The following PTN variants were observed in gnomAD, a reference collection of about 807,000 sequenced individuals.
PTN encodes the protein pleiotrophin.
In PTN, 18 loss-of-function variants were observed where a neutral mutation model predicts 24.1. The ratio of observed to expected loss-of-function variants is 0.75; its 90% confidence interval spans 0.52 to 1.11. PTN has a LOEUF of 1.11. Ranked by LOEUF, PTN falls within the 50% of genes least tolerant of loss-of-function variation. PTN has a pLI of 0.00. For missense variants in PTN, 163 were observed against 198.8 expected (o/e 0.82, Z 1.08); for synonymous variants, 78 against 68.6 (o/e 1.14, Z -0.67).
intron 1 of PTN, among the ~76,000 whole-genome samples, chr7:137,334,074 A>C (rs1198975331): frequency 6.6e-6 from 1 of 152,226 alleles, no homozygotes; most frequent in African/African-American, 2.4e-5. Context: ...CGCTAGACCT[A>C]AAACCATAAA....
rs569548740 is a variant in PTN at position 137,281,849 on chromosome 7, G to A, written c.-1-26875C>T. Reference sequence around the variant, plus strand: ...GTATGAAAGACTTTGCCTGTGCTAAGAGCTTTATATCTTTTATTTTCACAA... The same window carrying A: ...GTATGAAAGACTTTGCCTGTGCTAAAAGCTTTATATCTTTTATTTTCACAA... On this transcript the variant is annotated intron_variant, in intron 1 of 4. Transcript: ENST00000348225. Among the ~76,000 whole-genome samples the A allele has an allele frequency of 8.5e-5, 13 of 152,288 alleles. No homozygotes were observed. In the East Asian group the frequency reaches 2.3e-3, roughly 27 times the overall value.
intron 1 of PTN, among the ~76,000 whole-genome samples, chr7:137,335,868 A>C (rs919285658): frequency 6.6e-6 from 1 of 152,114 alleles, no homozygotes; most frequent in Admixed American, 6.5e-5. Context: ...AATATAACAT[A>C]ATCTGAGGTA....
At chr7:137,258,783 A>C (rs968964144) in intron 1 of PTN, among the ~76,000 whole-genome samples, 9 of 152,094 alleles carry the variant, frequency 5.9e-5, no homozygotes, top group African/African-American at 2.2e-4. Flanking sequence ...GCACCAAGTG[A>C]GGGCAAAAGC....
intron 1 of PTN, among the ~76,000 whole-genome samples, chr7:137,315,673 C>T (rs990097744): frequency 6.6e-6 from 1 of 152,206 alleles, no homozygotes; most frequent in Non-Finnish European, 1.5e-5. Context: ...ACACCCCTTA[C>T]TGACAGCCTG....
At chr7:137,342,339 T>C (rs1275140808) in intron 1 of PTN, among the ~76,000 whole-genome samples, 1 of 152,062 alleles carries the variant, frequency 6.6e-6, no homozygotes, top group African/African-American at 2.4e-5. Context: ...TTTCTCAAGC[T>C]GCTAAAGCAA....
chr7:137,260,424 C>G (rs1809014132), intron 1 of PTN, among the ~76,000 whole-genome samples: 1 of 152,092 alleles, frequency 6.6e-6, no homozygotes, highest in African/African-American at 2.4e-5. Context: ...ACAGTCTCAT[C>G]CCTCCAAAAG....
In PTN at chr7:137,228,810, T is replaced by G. The variant is rs541535038; in HGVS notation, c.452-735A>C. Among the ~76,000 whole-genome samples, 37 of 151,974 alleles carry G rather than the reference T, an allele frequency of 2.4e-4. No homozygotes were observed. In the South Asian group the frequency reaches 6.4e-3, roughly 26 times the overall value. Reference sequence around the variant, plus strand: ...CTCTTTTCCTAACAGGAGAATGCAATGTAGAATAGAACACATCTAATTTGG... The same window carrying G: ...CTCTTTTCCTAACAGGAGAATGCAAGGTAGAATAGAACACATCTAATTTGG... On this transcript the variant is annotated intron_variant, in intron 4 of 4. Transcript: ENST00000348225.
Position 137,229,272 on chromosome 7 carries a change from G to C in PTN, c.452-1197C>G, listed in dbSNP as rs549916453. ...ATTAAAATCCTTAATCATTATCAAGGCATATTGATTGAGCAGGTCAATGAA... is the reference window on the plus strand; with the variant it reads ...ATTAAAATCCTTAATCATTATCAAGCCATATTGATTGAGCAGGTCAATGAA... On this transcript the variant is annotated intron_variant, in intron 4 of 4. Coordinates refer to ENST00000348225, the MANE Select transcript of PTN (RefSeq NM_002825.7). 5.3e-5 allele frequency among the ~76,000 whole-genome samples: 8 copies of C among 151,794 alleles called. No homozygotes were observed. The East Asian group carries it at 1.2e-3, about 22-fold the overall frequency.
At chr7:137,249,120 T>C (rs1808777171) in intron 4 of PTN, among the ~76,000 whole-genome samples, 1 of 152,298 alleles carries the variant, frequency 6.6e-6, no homozygotes, top group African/African-American at 2.4e-5. Context: ...ATCTTAATCA[T>C]GTTCCCTGCT....
intron 1 of PTN, among the ~76,000 whole-genome samples, chr7:137,311,193 C>T (rs1186406937): frequency 6.8e-6 from 1 of 147,028 alleles, no homozygotes; most frequent in Non-Finnish European, 1.5e-5. Flanking sequence ...GATCATGCCA[C>T]CGCACACCAG....
At chr7:137,324,433 A>AATATATATATATATATATATAT (rs71176396) in intron 1 of PTN, among the ~76,000 whole-genome samples, 2 of 88,742 alleles carry the variant, frequency 2.3e-5, no homozygotes, top group African/African-American at 1.4e-4. Context: ...AAAAAAAAAA[A>AATATATATATATATATATATAT]ATATATATAT....
chr7:137,250,551 G>C (rs11772240), intron 4 of PTN, among the ~76,000 whole-genome samples: 16,192 of 152,230 alleles, frequency 0.11, 1,124 homozygotes, highest in East Asian at 0.26. Context: ...ACACAATTCA[G>C]ACAATAACAT....
intron 1 of PTN, among the ~76,000 whole-genome samples, chr7:137,315,794 A>T (rs1181885489): frequency 6.6e-6 from 1 of 152,124 alleles, no homozygotes; most frequent in African/African-American, 2.4e-5. Context: ...GAATGTAGTA[A>T]AAGTATCCCA....
chr7:137,252,267 T>C (rs1404772792), intron 3 of PTN, among the ~76,000 whole-genome samples: 3 of 151,936 alleles, frequency 2.0e-5, no homozygotes, highest in East Asian at 3.8e-4. Flanking sequence ...TTTCAATTTC[T>C]AGTTCCCTAA....
At chr7:137,267,237 T>C (rs1809168240) in intron 1 of PTN, among the ~76,000 whole-genome samples, 1 of 152,162 alleles carries the variant, frequency 6.6e-6, no homozygotes, top group Admixed American at 6.5e-5. Context: ...TATCTTTCTC[T>C]GTCTCTCTCT....
At chr7:137,333,710 C>G (rs322329) in intron 1 of PTN, among the ~76,000 whole-genome samples, 91,840 of 151,930 alleles carry the variant, frequency 0.6, 27,971 homozygotes, top group Admixed American at 0.66. Context: ...TCATATGGAA[C>G]CAAAAAAGAG....
intron 1 of PTN, among the ~76,000 whole-genome samples, chr7:137,311,399 T>C (rs1809980799): frequency 6.6e-6 from 1 of 152,146 alleles, no homozygotes; most frequent in African/African-American, 2.4e-5. Flanking sequence ...TTTACTGGAG[T>C]AATATTTTTA....
At chr7:137,236,354 G>A (rs1808520928) in intron 4 of PTN, 2 of 685,722 alleles carry the variant, frequency 2.9e-6, no homozygotes, top group Non-Finnish European at 5.3e-6. Flanking sequence ...CCACACATGA[G>A]CGTGTTGGGA....
chr7:137,293,783 G>A (rs1585032783), intron 1 of PTN, among the ~76,000 whole-genome samples: 1 of 151,808 alleles, frequency 6.6e-6, no homozygotes, highest in African/African-American at 2.4e-5. Flanking sequence ...TCGTTGACAT[G>A]TCATCACTCA....
Sources: allele counts gnomAD v4.1 joint callset (sites outside exome capture counted in the v4.1 genomes callset), GRCh38; gene constraint gnomAD v4.1.1; transcripts MANE v1.5; gene names NCBI Gene and HGNC (gene_info 2026-07-23, HGNC 2026-07-21).